GALNT16: variants seen among roughly 807,000 people sequenced by gnomAD.
GALNT16 encodes polypeptide N-acetylgalactosaminyltransferase 16, also known as UDP-GalNAc:polypeptide N-acetylgalactosaminyltransferase-like protein 1.
Under a neutral mutation model 76.1 loss-of-function variants are expected in GALNT16, and 40 were observed. That is an observed-to-expected ratio of 0.53 (90% CI 0.41 to 0.68). The LOEUF is 0.68. GALNT16 is among the 30% of genes least tolerant of loss of function. GALNT16 has a pLI of 0.00. For missense variants in GALNT16, 621 were observed against 731.9 expected, an observed-to-expected ratio of 0.85 and a Z score of 1.75; for synonymous variants, 276 against 285.2, an observed-to-expected ratio of 0.97 and a Z score of 0.32.
chr14:69,360,382 G>A (rs909450654), downstream of GALNT16, among the ~76,000 whole-genome samples: 18 of 151,526 alleles, frequency 1.2e-4, no homozygotes, highest in Admixed American at 8.5e-4. Context: ...AGAAGAGGCC[G>A]ATTAGGAGAC....
At chr14:69,322,882 C>T (rs2045208745) in intron 2 of GALNT16, among the ~76,000 whole-genome samples, 1 of 150,596 alleles carries the variant, frequency 6.6e-6, no homozygotes, top group Non-Finnish European at 1.5e-5. Flanking sequence ...CAGAGTAAGG[C>T]TCCGTCTCAA....
In GALNT16 at chr14:69,325,977, T is replaced by C. The variant is rs766881133; in HGVS notation, c.518T>C (p.Leu173Pro). 4.3e-6 allele frequency: 7 copies of C among 1,613,974 alleles called. No homozygotes were observed. The highest frequency in any genetic ancestry group is 1.3e-5 in the African/African-American group (1 of 75,042). Residue 173 changes from leucine (L) to proline (P), a missense_variant, in exon 5 of 15, where the codon CTC becomes CCC. Transcript: ENST00000448469. ...GCATCCTCAGCGGAAGACTGTCTAC[T>C]CCTGACCAGGATCCCCAAGGTCAAG... is the stretch of plus-strand genomic sequence containing the variant. Reference protein sequence around the residue: ...DFSSDPEDCLLLTRIPKVKCL... With the variant: ...DFSSDPEDCLPLTRIPKVKCL...
At chr14:69,323,267 G>A (rs2045229852) in intron 2 of GALNT16, among the ~76,000 whole-genome samples, 2 of 152,152 alleles carry the variant, frequency 1.3e-5, no homozygotes, top group African/African-American at 2.4e-5. Context: ...CAAAACTCAG[G>A]GCTGGGACAA....
chr14:69,352,836 C>T lies in GALNT16; in HGVS notation c.*668C>T, dbSNP rs2045655368. 6.6e-6 allele frequency among the ~76,000 whole-genome samples: 1 copy of T among 152,016 alleles called. No homozygotes were observed. Among genetic ancestry groups the T allele is most frequent in the East Asian group, 1.9e-4 (1 of 5,164 alleles). ...GCACCAAAAGAACAAGGTCTCTTAC[C>T]CAGGACACAGTCCCTTCCACACTTT... is the stretch of plus-strand genomic sequence containing the variant. On this transcript the variant is annotated 3_prime_UTR_variant, in exon 15 of 15. Transcript: ENST00000448469.
intron 1 of GALNT16, among the ~76,000 whole-genome samples, chr14:69,286,534 C>T (rs2044614703): frequency 6.6e-6 from 1 of 152,112 alleles, no homozygotes; most frequent in African/African-American, 2.4e-5. Flanking sequence ...AAACTCCTGA[C>T]CTCAGGCAAT....
In GALNT16 at chr14:69,339,593, C is replaced by T. The variant is rs760299553; in HGVS notation, c.1161C>T (p.Pro387=). The T allele has an allele frequency of 6.2e-6, 10 of 1,609,426 alleles. No individual in the cohort carries two copies. The South Asian group carries it at 1.1e-4, about 18-fold the overall frequency. The change falls in exon 11 of 15, where the codon CCC becomes CCT. Residue 387 remains proline, a synonymous_variant. Coordinates refer to ENST00000448469, the MANE Select transcript of GALNT16 (RefSeq NM_001168368.2). ...AGCAATACTACTATGAGGCCCGGCC[C>T]TCGGCCATCGGGAAGGCCTTCGGCA... ...EYKQYYYEAR[P]SAIGKAFGSV...
chr14:69,303,353 G>A (rs2044881381), intron 1 of GALNT16, among the ~76,000 whole-genome samples: 1 of 152,100 alleles, frequency 6.6e-6, no homozygotes, highest in Admixed American at 6.5e-5. Flanking sequence ...TGCTGCTTGG[G>A]GTCAGGGATC....
intron 1 of GALNT16, among the ~76,000 whole-genome samples, chr14:69,268,707 A>G (rs547164236): frequency 6.6e-5 from 10 of 152,352 alleles, no homozygotes; most frequent in Admixed American, 3.3e-4. Flanking sequence ...AAGATATATT[A>G]GGTGGTGGCA....
At chr14:69,376,527 C>T in the GALNT16 span, among the ~76,000 whole-genome samples, 476 of 152,246 alleles carry the variant, frequency 3.1e-3, 4 homozygotes, top group African/African-American at 0.011. Context: ...CATCAGTATC[C>T]TGTTTAGTAA....
At chr14:69,293,124 C>G (rs2044709422) in intron 1 of GALNT16, among the ~76,000 whole-genome samples, 1 of 152,030 alleles carries the variant, frequency 6.6e-6, no homozygotes, top group African/African-American at 2.4e-5. Flanking sequence ...TGAGAGTGAA[C>G]AGAAGGTAAG....
At chr14:69,375,566 T>G in the GALNT16 span, among the ~76,000 whole-genome samples, 1 of 152,206 alleles carries the variant, frequency 6.6e-6, no homozygotes, top group African/African-American at 2.4e-5. Flanking sequence ...AACCGCAGGT[T>G]TCCACATTAT....
At chr14:69,274,826 C>T (rs1444822104) in intron 1 of GALNT16, among the ~76,000 whole-genome samples, 2 of 152,132 alleles carry the variant, frequency 1.3e-5, no homozygotes, top group African/African-American at 4.8e-5. Context: ...TCCCCCTTGA[C>T]CAGAACAGCA....
the GALNT16 span, among the ~76,000 whole-genome samples, chr14:69,368,255 A>G: frequency 6.6e-6 from 1 of 152,078 alleles, no homozygotes; most frequent in African/African-American, 2.4e-5. Flanking sequence ...AAATTACCCC[A>G]CAATTTAGTG....
intron 1 of GALNT16, among the ~76,000 whole-genome samples, chr14:69,310,449 A>G (rs1443484739): frequency 2.0e-5 from 3 of 152,194 alleles, no homozygotes; most frequent in African/African-American, 4.8e-5. Context: ...TTTTCCAAGC[A>G]TGAGCTGTGT....
downstream of GALNT16, among the ~76,000 whole-genome samples, chr14:69,361,941 A>G (rs72722199): frequency 0.18 from 28,144 of 152,216 alleles, 2,728 homozygotes; most frequent in South Asian, 0.26. Flanking sequence ...TGGGAGGCGG[A>G]GACTGCAGTA....
intron 1 of GALNT16, among the ~76,000 whole-genome samples, chr14:69,293,359 G>C (rs2044712171): frequency 6.6e-6 from 1 of 152,184 alleles, no homozygotes; most frequent in Non-Finnish European, 1.5e-5. Context: ...AAGCACTTTT[G>C]TTTCAGACAG....
chr14:69,367,667 A>G, the GALNT16 span, among the ~76,000 whole-genome samples: 28 of 151,226 alleles, frequency 1.9e-4, no homozygotes, highest in Non-Finnish European at 3.1e-4. Context: ...AAAGAAAAAG[A>G]AAAAAGAAAA....
At position 69,303,626 on chromosome 14, in the gene GALNT16, C is replaced by T. The variant is rs188411702; in HGVS notation, c.178-17085C>T. Among the ~76,000 whole-genome samples the T allele has an allele frequency of 5.4e-4, 81 of 150,894 alleles. No homozygotes were observed. In the Middle Eastern group the frequency reaches 0.017, roughly 32 times the overall value. The stretch of plus-strand genomic sequence containing the variant: ...ACAATTACATAAACATAGTAACAAC[C>T]GAAAGGATGGAAAATCACCCATAAT... On this transcript the variant is annotated intron_variant, in intron 1 of 14. Coordinates refer to ENST00000448469, the MANE Select transcript of GALNT16 (RefSeq NM_001168368.2).
chr14:69,373,133 A>G, the GALNT16 span, among the ~76,000 whole-genome samples: 4 of 152,226 alleles, frequency 2.6e-5, no homozygotes, highest in African/African-American at 9.6e-5. Flanking sequence ...AACAGACACT[A>G]AAAGACTCAA....
Sources: allele counts gnomAD v4.1 joint callset (sites outside exome capture counted in the v4.1 genomes callset), GRCh38; gene constraint gnomAD v4.1.1; transcripts MANE v1.5; gene names NCBI Gene and HGNC (gene_info 2026-07-23, HGNC 2026-07-21).